ANKS1B: variants seen among roughly 807,000 people sequenced by gnomAD.
ANKS1B encodes the protein ankyrin repeat and sterile alpha motif domain containing 1B.
A neutral mutation model predicts 148.3 loss-of-function variants in ANKS1B; 36 were observed. The ratio of observed to expected loss-of-function variants is 0.24; its 90% confidence interval spans 0.19 to 0.32. ANKS1B has a LOEUF of 0.32. ANKS1B is among the 10% of genes least tolerant of loss of function. The probability of loss-of-function intolerance (pLI) is 1.00; values close to 1 mark genes in which losing one functional copy is unlikely to be tolerated. For missense variants in ANKS1B, 1,157 were observed against 1,542.6 expected, an observed-to-expected ratio of 0.75 and a Z score of 4.19; for synonymous variants, 542 against 560.8, an observed-to-expected ratio of 0.97 and a Z score of 0.47.
intron 17 of ANKS1B, among the ~76,000 whole-genome samples, chr12:98,941,858 T>A (rs2153020912): frequency 6.6e-6 from 1 of 152,312 alleles, no homozygotes; most frequent in East Asian, 1.9e-4. Flanking sequence ...AGCAAAAATT[T>A]CTTTGGCCAG....
At chr12:99,934,257 T>C (rs1566030964) in intron 1 of ANKS1B, among the ~76,000 whole-genome samples, 1 of 152,104 alleles carries the variant, frequency 6.6e-6, no homozygotes, top group Non-Finnish European at 1.5e-5. Context: ...CTTTGTCTGG[T>C]TTTGGTATCA....
chr12:99,892,004 T>A (rs1340654920), intron 1 of ANKS1B, among the ~76,000 whole-genome samples: 1 of 152,116 alleles, frequency 6.6e-6, no homozygotes, highest in African/African-American at 2.4e-5. Context: ...CATAATAGGT[T>A]TTTTTGTTTG....
chr12:99,547,719 G>A (rs1483404758), intron 9 of ANKS1B, among the ~76,000 whole-genome samples: 3 of 152,128 alleles, frequency 2.0e-5, no homozygotes, highest in Non-Finnish European at 4.4e-5. Flanking sequence ...GAATTGAACC[G>A]AGCATTATTC....
At chr12:99,694,284 C>A (rs1243453485) in intron 8 of ANKS1B, among the ~76,000 whole-genome samples, 2 of 151,046 alleles carry the variant, frequency 1.3e-5, no homozygotes, top group East Asian at 4.0e-4. Context: ...ATTAAAAATA[C>A]AAAAATTAGC....
intron 14 of ANKS1B, among the ~76,000 whole-genome samples, chr12:99,194,780 C>G (rs1409624484): frequency 6.6e-6 from 1 of 151,974 alleles, no homozygotes; most frequent in African/African-American, 2.4e-5. Context: ...TTTTTACATG[C>G]AATATATTAA....
At chr12:99,888,595 G>T (rs181816472) in intron 1 of ANKS1B, among the ~76,000 whole-genome samples, 1 of 152,174 alleles carries the variant, frequency 6.6e-6, no homozygotes, top group African/African-American at 2.4e-5. Flanking sequence ...GAAATATGTA[G>T]GCAAAGAGAA....
Position 99,528,171 on chromosome 12 carries a change from T to C in ANKS1B, c.1273-23530A>G, listed in dbSNP as rs191560293. Among the ~76,000 whole-genome samples the C allele has an allele frequency of 4.3e-4, 66 of 152,196 alleles. 1 individual carries two copies. In the East Asian group the frequency reaches 9.9e-3, roughly 23 times the overall value. On this transcript the variant is annotated intron_variant, in intron 9 of 26. Transcript: ENST00000683438. ...GTGCTGGGATAACTGGCTAGCCATA[T>C]GCAGAAAATTGAAACTGGACCCCTT... is the stretch of plus-strand genomic sequence containing the variant.
At chr12:99,528,562 C>T (rs2096954553) in intron 9 of ANKS1B, among the ~76,000 whole-genome samples, 2 of 151,296 alleles carry the variant, frequency 1.3e-5, no homozygotes, top group Non-Finnish European at 3.0e-5. Flanking sequence ...TAAAAAATTA[C>T]AAGCAAAAAA....
At chr12:99,458,321 C>G (rs138783993) in intron 10 of ANKS1B, among the ~76,000 whole-genome samples, 3 of 151,424 alleles carry the variant, frequency 2.0e-5, no homozygotes, top group East Asian at 1.9e-4. Flanking sequence ...TTCAAAACAT[C>G]TGAGAGCACA....
intron 9 of ANKS1B, among the ~76,000 whole-genome samples, chr12:99,646,937 C>A (rs2098375204): frequency 1.3e-5 from 2 of 148,762 alleles, no homozygotes; most frequent in African/African-American, 2.5e-5. Context: ...AAAATTGCAT[C>A]AACAGTTTGA....
At chr12:99,207,484 T>A (rs976394914) in intron 14 of ANKS1B, among the ~76,000 whole-genome samples, 5 of 152,154 alleles carry the variant, frequency 3.3e-5, no homozygotes, top group African/African-American at 1.2e-4. Flanking sequence ...TTTTATATCA[T>A]ATAGAAGAGC....
At chr12:99,191,284 T>C (rs2080656864) in intron 14 of ANKS1B, among the ~76,000 whole-genome samples, 1 of 152,220 alleles carries the variant, frequency 6.6e-6, no homozygotes, top group African/African-American at 2.4e-5. Flanking sequence ...GAAGACAGTA[T>C]GGTGATTCCT....
intron 17 of ANKS1B, among the ~76,000 whole-genome samples, chr12:98,878,521 G>A (rs1380366947): frequency 1.3e-5 from 2 of 152,160 alleles, no homozygotes; most frequent in Non-Finnish European, 2.9e-5. Flanking sequence ...TCTTGAGGTC[G>A]GGGACTCTGT....
intron 17 of ANKS1B, among the ~76,000 whole-genome samples, chr12:99,009,129 T>C (rs1404471886): frequency 6.6e-6 from 1 of 152,212 alleles, no homozygotes; most frequent in Non-Finnish European, 1.5e-5. Context: ...TGGAATCTAC[T>C]TCAGGCTGCC....
intron 9 of ANKS1B, among the ~76,000 whole-genome samples, chr12:99,529,144 T>C (rs1567282333): frequency 6.6e-6 from 1 of 152,054 alleles, no homozygotes; most frequent in Non-Finnish European, 1.5e-5. Context: ...ACTGAAAACA[T>C]GCCAAATGTC....
At chr12:99,961,580 G>C (rs1268602995) in intron 1 of ANKS1B, among the ~76,000 whole-genome samples, 1 of 152,086 alleles carries the variant, frequency 6.6e-6, no homozygotes, top group Admixed American at 6.5e-5. Context: ...TTCTATGAAA[G>C]ACTTCTATAG....
At chr12:99,632,367 T>TA (rs748213831) in intron 9 of ANKS1B, among the ~76,000 whole-genome samples, 9 of 151,880 alleles carry the variant, frequency 5.9e-5, no homozygotes, top group Non-Finnish European at 8.8e-5. Flanking sequence ...CAGCCCCTGC[T>TA]AGAGCAAGAA....
chr12:99,154,967 C>T (rs2075833581), intron 14 of ANKS1B: 3 of 1,535,448 alleles, frequency 2.0e-6, no homozygotes, highest in Non-Finnish European at 2.6e-6. Context: ...TCCTCCTACA[C>T]ACCCATCCAA....
chr12:99,182,043 T>C (rs2079179365), intron 14 of ANKS1B, among the ~76,000 whole-genome samples: 1 of 152,254 alleles, frequency 6.6e-6, no homozygotes, highest in African/African-American at 2.4e-5. Flanking sequence ...GACTGAGTAA[T>C]TTATAAACAA....
Sources: allele counts gnomAD v4.1 joint callset (sites outside exome capture counted in the v4.1 genomes callset), GRCh38; gene constraint gnomAD v4.1.1; transcripts MANE v1.5; gene names NCBI Gene and HGNC (gene_info 2026-07-23, HGNC 2026-07-21).